The following ZNF875 variants were observed in gnomAD, a reference collection of about 807,000 sequenced individuals.
ZNF875 encodes HKR1, GLI-Kruppel zinc finger family member.
ZNF875 carries 14 observed loss-of-function variants against 11.2 expected under a neutral mutation model. The ratio of observed to expected loss-of-function variants is 1.26; its 90% CI spans 0.83 to 1.96. The LOEUF is 1.96. Among genes scored for constraint, ZNF875 ranks in the 30% most tolerant of loss-of-function variants. ZNF875 has a pLI of 0.00. For synonymous variants in ZNF875, 301 were observed against 281.1 expected (o/e 1.07, Z -0.71); for missense variants, 752 against 760.4 (o/e 0.99, Z 0.13).
chr19:37,338,622 G>A (rs563494015), intron 2 of ZNF875, among the ~76,000 whole-genome samples: 1 of 152,286 alleles, frequency 6.6e-6, no homozygotes, highest in African/African-American at 2.4e-5. Flanking sequence ...ATTTACTCAG[G>A]AAAAATTAAA....
At chr19:37,349,184 A>G (rs2037382734) in intron 4 of ZNF875, among the ~76,000 whole-genome samples, 1 of 152,166 alleles carries the variant, frequency 6.6e-6, no homozygotes, top group African/African-American at 2.4e-5. Context: ...CATTATTCAT[A>G]CTGGATTAGG....
At chr19:37,346,888 A>G (rs1014743558) in intron 2 of ZNF875, 2 of 230,618 alleles carry the variant, frequency 8.7e-6, no homozygotes, top group Admixed American at 5.4e-5. Flanking sequence ...TTTGAGACAG[A>G]GTTTTGCTCT....
chr19:37,331,171 AGT>A (rs966888315), upstream of ZNF875, among the ~76,000 whole-genome samples: 3 of 118,046 alleles, frequency 2.5e-5, no homozygotes, highest in Non-Finnish European at 4.9e-5. Flanking sequence ...TGGGCGACAG[AGT>A]GAGACTCTGT....
chr19:37,313,209 C>T (rs2030036190), upstream of ZNF875: 1 of 143,810 alleles, frequency 7.0e-6, no homozygotes, highest in Non-Finnish European at 1.5e-5. Flanking sequence ...AACCCCGCCC[C>T]CCGCGAAACA....
intron 2 of ZNF875, among the ~76,000 whole-genome samples, chr19:37,346,049 A>G (rs2036696471): frequency 6.6e-6 from 1 of 152,244 alleles, no homozygotes. Flanking sequence ...AATCACAGTG[A>G]TCCAGCCATG....
At chr19:37,362,047 A>C (rs1367353649) in intron 4 of ZNF875, 62 bp from the exon 5 acceptor site, 1 of 1,064,306 alleles carries the variant, frequency 9.4e-7, no homozygotes, top group African/African-American at 1.6e-5. Context: ...ACCAGTGGGC[A>C]AGGCAAAATT....
intron 2 of ZNF875, chr19:37,344,851 T>A (rs1445672224): frequency 2.2e-6 from 2 of 909,822 alleles, no homozygotes; most frequent in Non-Finnish European, 3.7e-6. Flanking sequence ...AAGGGGTGTA[T>A]GTGTGTATGT....
chr19:37,330,108 AAAG>A (rs1448379567), upstream of ZNF875, among the ~76,000 whole-genome samples: 2 of 152,188 alleles, frequency 1.3e-5, no homozygotes, highest in Non-Finnish European at 2.9e-5. Flanking sequence ...TTTGAAAAAT[AAAG>A]AATATTTTTT....
chr19:37,344,345 C>G (rs1040517008), intron 2 of ZNF875, among the ~76,000 whole-genome samples: 1 of 152,028 alleles, frequency 6.6e-6, no homozygotes, highest in African/African-American at 2.4e-5. Flanking sequence ...ATTCAGTAGC[C>G]CTAGGATGGG....
rs187512032 is a variant in ZNF875 at position 37,362,428 on chromosome 19, C to T, written c.576C>T (p.Asp192=). The T allele has an allele frequency of 1.9e-6, 3 of 1,614,124 alleles. No homozygotes were observed. The highest frequency in any genetic ancestry group is 3.3e-5 in the Admixed American group (2 of 60,016). The part of the protein sequence containing the change: ...EEQQPAQSKE[D]NTVVDIGSSP... ...AACAGCCAGCACAGTCCAAGGAAGA[C>T]AACACAGTGGTGGATATAGGGTCCA... The change falls in exon 5 of 5, where the codon GAC becomes GAT. Residue 192 remains aspartate (D), a synonymous_variant. Transcript: ENST00000392153.
At chr19:37,338,284 G>C (rs928928169) in intron 2 of ZNF875, among the ~76,000 whole-genome samples, 26 of 152,058 alleles carry the variant, frequency 1.7e-4, no homozygotes, top group Non-Finnish European at 2.6e-4. Context: ...CACCACGCCC[G>C]GCTAATTTTT....
chr19:37,318,400 T>C (rs1254717363), intron 1 of ZNF875, among the ~76,000 whole-genome samples: 1 of 152,210 alleles, frequency 6.6e-6, no homozygotes, highest in African/African-American at 2.4e-5. Context: ...TAGTGGACTG[T>C]CTCTGATAAG....
At position 37,363,659 on chromosome 19, in the gene ZNF875, C is replaced by T; in HGVS notation, c.1807C>T (p.Leu603Phe). The T allele has an allele frequency of 6.2e-7, 1 of 1,613,596 alleles. No individual in the cohort carries two copies. The highest frequency in any genetic ancestry group is 1.1e-5 in the South Asian group (1 of 90,996). Residue 603 changes from leucine to phenylalanine, a missense_variant, in exon 5 of 5, where the codon CTC becomes TTC. By Grantham distance (22) the Leu-to-Phe change is conservative. Transcript: ENST00000392153. Reference sequence around the variant, plus strand: ...GCAAGGCTTTAGCCGGCAGTCACACCTCATTAGACACCAGAGGACACATTC... The same window carrying T: ...GCAAGGCTTTAGCCGGCAGTCACACTTCATTAGACACCAGAGGACACATTC... ...CGQGFSRQSH[L>F]IRHQRTHSGE...
Position 37,363,869 on chromosome 19 carries a change from C to A in ZNF875, c.*94C>A. 1 of 1,045,224 alleles carries A rather than the reference C, an allele frequency of 9.6e-7. No individual in the cohort carries two copies. The highest frequency in any genetic ancestry group is 1.4e-6 in the Non-Finnish European group (1 of 699,830). 64.7% of individuals were successfully genotyped at this position (1,045,224 alleles called of 1,614,324 possible). On this transcript the variant is annotated 3_prime_UTR_variant, in exon 5 of 5. Coordinates refer to ENST00000392153, the MANE Select transcript of ZNF875 (RefSeq NM_001353803.2). ...GACACACACAGTGCTGTGGCTTTTT[C>A]AGCCATTGCTAGATACCAAAGTGGA... is the stretch of plus-strand genomic sequence containing the variant.
chr19:37,355,983 T>A (rs2038839176), intron 4 of ZNF875, among the ~76,000 whole-genome samples: 1 of 152,208 alleles, frequency 6.6e-6, no homozygotes, highest in Non-Finnish European at 1.5e-5. Context: ...CATCTTTATG[T>A]CCGTGTGTAC....
intron 2 of ZNF875, chr19:37,346,497 G>C (rs1273330758): frequency 1.5e-4 from 23 of 153,306 alleles, no homozygotes; most frequent in African/African-American, 5.1e-4. Flanking sequence ...ATATTGGTGA[G>C]TTATTTGCCC....
At chr19:37,321,638 G>A (rs1305707901) in intron 1 of ZNF875, among the ~76,000 whole-genome samples, 3 of 152,154 alleles carry the variant, frequency 2.0e-5, no homozygotes, top group African/African-American at 4.8e-5. Context: ...CGTCCCACCC[G>A]ACAAGAAACA....
At chr19:37,336,759 T>A (rs1400452989) in intron 2 of ZNF875, among the ~76,000 whole-genome samples, 1 of 151,042 alleles carries the variant, frequency 6.6e-6, no homozygotes, top group African/African-American at 2.4e-5. Context: ...ATACAAGAAA[T>A]TAGCTGGGCA....
chr19:37,323,606 G>C (rs1370976520), intron 3 of ZNF875: 1 of 152,204 alleles, frequency 6.6e-6, no homozygotes, highest in Admixed American at 6.5e-5. Flanking sequence ...ACCAAGAAAG[G>C]CCTAGCTGAT....
Sources: allele counts gnomAD v4.1 joint callset (sites outside exome capture counted in the v4.1 genomes callset), GRCh38; gene constraint gnomAD v4.1.1; transcripts MANE v1.5; gene names NCBI Gene and HGNC (gene_info 2026-07-23, HGNC 2026-07-21).